The following PHACTR1 variants were observed in gnomAD, a reference collection of about 807,000 sequenced individuals.
PHACTR1 encodes RPEL repeat containing 1.
In PHACTR1, 16 loss-of-function variants were observed where a neutral mutation model predicts 69.2. The ratio of observed to expected loss-of-function variants is 0.23; its 90% CI spans 0.16 to 0.35. The LOEUF (loss-of-function observed/expected upper bound fraction) is 0.35. Ranked by LOEUF, PHACTR1 falls within the 10% of genes least tolerant of loss-of-function variation. PHACTR1 has a pLI of 1.00. For synonymous variants in PHACTR1, 312 were observed against 284.5 expected, an observed-to-expected ratio of 1.10 and a Z score of -0.97; for missense variants, 510 against 734.7, an observed-to-expected ratio of 0.69 and a Z score of 3.54.
chr6:13,022,542 A>G (rs1175801444), intron 4 of PHACTR1, among the ~76,000 whole-genome samples: 2 of 152,192 alleles, frequency 1.3e-5, no homozygotes, highest in African/African-American at 4.8e-5. Flanking sequence ...TTGGGAAACA[A>G]CCATGCACAA....
At chr6:12,817,101 G>A (rs768355872) in intron 4 of PHACTR1, among the ~76,000 whole-genome samples, 14 of 152,072 alleles carry the variant, frequency 9.2e-5, no homozygotes, top group Non-Finnish European at 8.8e-5. Flanking sequence ...TTGATTGTCG[G>A]GAAGATAGGA....
chr6:12,892,062 A>G (rs1278333852), intron 4 of PHACTR1, among the ~76,000 whole-genome samples: 2 of 152,272 alleles, frequency 1.3e-5, no homozygotes, highest in African/African-American at 4.8e-5. Flanking sequence ...AGCTTATGCT[A>G]AAAATCCATA....
rs545092056 is a variant in PHACTR1, at chr6:12,838,270, G to A, written c.250+88480G>A. On this transcript the variant is annotated intron_variant, in intron 4 of 14. Coordinates refer to ENST00000332995, the MANE Select transcript of PHACTR1 (RefSeq NM_030948.6). ...ATGAGGGTATGAAAATCAGAAGGCA[G>A]GGATCACAGAAGCCAACCTGGAGCC... is the stretch of plus-strand genomic sequence containing the variant. Among the ~76,000 whole-genome samples the A allele has an allele frequency of 5.3e-5, 8 of 152,312 alleles. No individual in the cohort carries two copies. In the South Asian group the frequency reaches 1.7e-3, roughly 32 times the overall value.
chr6:12,821,494 AGAG>A (rs1776213806), intron 4 of PHACTR1, among the ~76,000 whole-genome samples: 1 of 145,968 alleles, frequency 6.9e-6, no homozygotes, highest in Non-Finnish European at 1.5e-5. Flanking sequence ...AGAGAGAGAG[AGAG>A]AGAGAGAAGT....
At chr6:12,995,273 AC>A (rs748723192) in intron 4 of PHACTR1, among the ~76,000 whole-genome samples, 1 of 151,906 alleles carries the variant, frequency 6.6e-6, no homozygotes, top group Non-Finnish European at 1.5e-5. Context: ...AAAATATATA[AC>A]TTCCAAATTA....
chr6:13,146,874 AG>A (rs1823435546), intron 5 of PHACTR1, among the ~76,000 whole-genome samples: 2 of 152,236 alleles, frequency 1.3e-5, no homozygotes, highest in Admixed American at 1.3e-4. Context: ...AGCAGAGAAC[AG>A]GGTGGAAATG....
intron 4 of PHACTR1, among the ~76,000 whole-genome samples, chr6:12,882,433 A>T (rs1783194650): frequency 6.6e-6 from 1 of 152,136 alleles, no homozygotes; most frequent in African/African-American, 2.4e-5. Flanking sequence ...TCTCATTACC[A>T]TGCAGTCACA....
intron 4 of PHACTR1, among the ~76,000 whole-genome samples, chr6:13,027,420 G>T (rs1801844513): frequency 6.6e-6 from 1 of 152,126 alleles, no homozygotes; most frequent in South Asian, 2.1e-4. Context: ...GGGAAGTGTG[G>T]TCTGGCTAGT....
intron 4 of PHACTR1, among the ~76,000 whole-genome samples, chr6:12,860,244 T>C (rs778174376): frequency 8.5e-5 from 13 of 152,100 alleles, no homozygotes; most frequent in Non-Finnish European, 1.6e-4. Flanking sequence ...AACATTTATG[T>C]GGTGTTTCGT....
chr6:13,027,778 C>T lies in PHACTR1; in HGVS notation c.251-25587C>T, dbSNP rs563851430. On this transcript the variant is annotated intron_variant, in intron 4 of 14. Transcript: ENST00000332995. ...GCAACCTCTGCCTCCTGGGTTCAAA[C>T]GATTCTCCTTCCTCAGTCTCCCAAG... 3.9e-5 allele frequency among the ~76,000 whole-genome samples: 6 copies of T among 152,194 alleles called. No individual in the cohort carries two copies. The South Asian group carries it at 1.2e-3, about 32-fold the overall frequency.
chr6:13,134,240 C>G (rs910297040), intron 5 of PHACTR1, among the ~76,000 whole-genome samples: 40 of 151,940 alleles, frequency 2.6e-4, no homozygotes, highest in African/African-American at 8.0e-4. Flanking sequence ...CCGCCCTGTC[C>G]GGGAGGGAGG....
intron 4 of PHACTR1, among the ~76,000 whole-genome samples, chr6:12,942,924 G>A (rs748705651): frequency 3.9e-5 from 6 of 152,158 alleles, no homozygotes; most frequent in Non-Finnish European, 7.4e-5. Context: ...AATCTTTGCA[G>A]AATCCTGGTA....
At chr6:12,971,900 C>G (rs1489701427) in intron 4 of PHACTR1, among the ~76,000 whole-genome samples, 1 of 152,190 alleles carries the variant, frequency 6.6e-6, no homozygotes, top group East Asian at 1.9e-4. Context: ...CAGATACAAG[C>G]CTTTACATTT....
At chr6:12,959,176 C>CAAA (rs70989814) in intron 4 of PHACTR1, among the ~76,000 whole-genome samples, 611 of 44,700 alleles carry the variant, frequency 0.014, 30 homozygotes, top group African/African-American at 0.046. Flanking sequence ...GACTTTATCT[C>CAAA]AAAAAAAAAA....
chr6:13,270,604 T>C (rs1437919456), intron 10 of PHACTR1, among the ~76,000 whole-genome samples: 1 of 152,248 alleles, frequency 6.6e-6, no homozygotes, highest in Non-Finnish European at 1.5e-5. Flanking sequence ...AAATATGTTT[T>C]ATATTATACC....
At chr6:13,196,420 CT>C (rs1554153704) in intron 7 of PHACTR1, 809 of 136,008 alleles carry the variant, frequency 5.9e-3, no homozygotes, top group South Asian at 0.041. Flanking sequence ...GGTTTTCTTT[CT>C]TTTTTTTTTT....
chr6:13,218,899 A>T (rs888050134), intron 8 of PHACTR1, among the ~76,000 whole-genome samples: 1 of 60,388 alleles, frequency 1.7e-5, no homozygotes, highest in Non-Finnish European at 3.9e-5. Flanking sequence ...AAGAGAAGAG[A>T]AGAGAAGAGA....
At chr6:12,792,593 GC>G (rs1176323128) in intron 4 of PHACTR1, among the ~76,000 whole-genome samples, 1 of 150,722 alleles carries the variant, frequency 6.6e-6, no homozygotes, top group Non-Finnish European at 1.5e-5. Flanking sequence ...TCATGCCCAT[GC>G]ATTTCAAGCT....
chr6:12,801,035 A>G (rs990177739), intron 4 of PHACTR1, among the ~76,000 whole-genome samples: 1 of 152,224 alleles, frequency 6.6e-6, no homozygotes, highest in Non-Finnish European at 1.5e-5. Context: ...AGTATATGGT[A>G]ATTATTTACT....
Sources: gnomAD v4.1 joint callset for allele counts (sites outside exome capture counted in the v4.1 genomes callset) on GRCh38, gnomAD v4.1.1 for gene constraint, MANE v1.5 for transcripts, NCBI Gene and HGNC (gene_info 2026-07-23, HGNC 2026-07-21) for gene names.